Variants in CYP19A1 observed in about 807,000 individuals in gnomAD.
CYP19A1 encodes aromatase.
A neutral mutation model predicts 44.4 loss-of-function variants in CYP19A1; 32 were observed. That is an observed-to-expected ratio of 0.72 (90% CI 0.54 to 0.97). The LOEUF is 0.97. Ranked by LOEUF, CYP19A1 falls within the 50% of genes least tolerant of loss-of-function variation. CYP19A1 has a pLI of 0.00. For synonymous variants in CYP19A1, 212 were observed against 215.6 expected (o/e 0.98, Z 0.14); for missense variants, 598 against 637.8 (o/e 0.94, Z 0.67).
chr15:51,222,574 C>A, intron 4 of CYP19A1, 49 bp from the exon 5 acceptor site: 1 of 1,500,646 alleles, frequency 6.7e-7, no homozygotes, highest in Non-Finnish European at 9.2e-7. Flanking sequence ...CCAGGGCACA[C>A]ACACAATCAT....
At chr15:51,257,968 C>T (rs776572884) in intron 1 of CYP19A1, among the ~76,000 whole-genome samples, 1 of 152,224 alleles carries the variant, frequency 6.6e-6, no homozygotes, top group African/African-American at 2.4e-5. Context: ...GTGCTAGGCA[C>T]TATTCTAAGC....
intron 1 of CYP19A1, among the ~76,000 whole-genome samples, chr15:51,276,959 A>G (rs542973496): frequency 1.3e-5 from 2 of 152,204 alleles, no homozygotes; most frequent in Admixed American, 1.3e-4. Flanking sequence ...TCTGGTTCCA[A>G]GAGAATGTCA....
intron 5 of CYP19A1, among the ~76,000 whole-genome samples, chr15:51,218,900 C>T (rs1252718848): frequency 1.3e-5 from 2 of 152,204 alleles, no homozygotes; most frequent in Non-Finnish European, 2.9e-5. Flanking sequence ...TGCCAGTTTT[C>T]AAGTTTGTGT....
In CYP19A1 at chr15:51,236,994, A is replaced by G. The variant is rs754717741; in HGVS notation, c.161T>C (p.Met54Thr). 6.2e-7 allele frequency: 1 copy of G among 1,614,156 alleles called. No individual in the cohort carries two copies. The highest frequency in any genetic ancestry group is 8.5e-7 in the Non-Finnish European group (1 of 1,180,008). Residue 54 changes from methionine (M) to threonine (T), a missense_variant, in exon 3 of 10, where the codon ATG (methionine) becomes ACG (threonine). Transcript: ENST00000396402. Reference sequence around the variant, plus strand: ...GTGGGAGATGAGGGGTCCAATTCCCATGCAGTAGCCAGGACCTAGGACAGG... The same window carrying G: ...GTGGGAGATGAGGGGTCCAATTCCCGTGCAGTAGCCAGGACCTAGGACAGG... Reference protein sequence around the residue: ...TSSIPGPGYCMGIGPLISHGR... With the variant: ...TSSIPGPGYCTGIGPLISHGR...
At chr15:51,303,110 G>C (rs76439081) in intron 1 of CYP19A1, among the ~76,000 whole-genome samples, 1 of 152,172 alleles carries the variant, frequency 6.6e-6, no homozygotes, top group Non-Finnish European at 1.5e-5. Flanking sequence ...CCTTTGGAAG[G>C]CTTCAGCTGT....
chr15:51,284,767 A>G (rs1300943982), intron 1 of CYP19A1, among the ~76,000 whole-genome samples: 1 of 152,260 alleles, frequency 6.6e-6, no homozygotes, highest in Non-Finnish European at 1.5e-5. Flanking sequence ...ATGGTGGAGG[A>G]ATGCACATAC....
At chr15:51,255,432 C>A (rs1426880208) in intron 1 of CYP19A1, 1 of 152,128 alleles carries the variant, frequency 6.6e-6, no homozygotes, top group Admixed American at 6.5e-5. Context: ...CTTGTCTCTA[C>A]AAAAACCCAG....
At chr15:51,313,973 G>C (rs1038070214) in intron 1 of CYP19A1, 1 of 152,110 alleles carries the variant, frequency 6.6e-6, no homozygotes, top group Non-Finnish European at 1.5e-5. Context: ...GAGATGGAGA[G>C]AACAGGCTTT....
At chr15:51,294,946 CAT>C (rs2035958824) in intron 1 of CYP19A1, among the ~76,000 whole-genome samples, 1 of 150,736 alleles carries the variant, frequency 6.6e-6, no homozygotes, top group African/African-American at 2.5e-5. Flanking sequence ...AAGAGGTAGA[CAT>C]GGGAGACTTT....
chr15:51,305,883 G>C (rs896380089), intron 1 of CYP19A1, among the ~76,000 whole-genome samples: 1 of 152,120 alleles, frequency 6.6e-6, no homozygotes, highest in Non-Finnish European at 1.5e-5. Flanking sequence ...AAATTAATAA[G>C]CTTTGGTAAT....
chr15:51,236,330 AAT>A (rs1260355479), intron 3 of CYP19A1, among the ~76,000 whole-genome samples: 1 of 152,196 alleles, frequency 6.6e-6, no homozygotes, highest in Non-Finnish European at 1.5e-5. Flanking sequence ...TTGGCAGGAG[AAT>A]AAATTAGCAA....
intron 1 of CYP19A1, among the ~76,000 whole-genome samples, chr15:51,327,529 T>C (rs996548755): frequency 6.6e-6 from 1 of 152,012 alleles, no homozygotes; most frequent in Non-Finnish European, 1.5e-5. Context: ...AATCTTGCTC[T>C]GTCATATAGT....
At chr15:51,263,743 C>A (rs1175004838) in intron 1 of CYP19A1, among the ~76,000 whole-genome samples, 4 of 152,168 alleles carry the variant, frequency 2.6e-5, no homozygotes, top group Non-Finnish European at 5.9e-5. Flanking sequence ...TCCTCCCAGG[C>A]TGCTGCTCTG....
At chr15:51,268,524 C>CA (rs1390561025) in intron 1 of CYP19A1, among the ~76,000 whole-genome samples, 2 of 139,946 alleles carry the variant, frequency 1.4e-5, no homozygotes, top group Non-Finnish European at 3.1e-5. Context: ...TTCCTTCCCC[C>CA]CCCCCCTTTT....
chr15:51,265,497 AG>A (rs1282765805), intron 1 of CYP19A1, among the ~76,000 whole-genome samples: 7 of 152,144 alleles, frequency 4.6e-5, no homozygotes, highest in Admixed American at 4.6e-4. Context: ...AGGCTGAGGG[AG>A]GCAGGGTGCT....
intron 1 of CYP19A1, among the ~76,000 whole-genome samples, chr15:51,330,486 T>C (rs992110121): frequency 6.6e-6 from 1 of 152,192 alleles, no homozygotes; most frequent in Non-Finnish European, 1.5e-5. Flanking sequence ...AATAAAATGA[T>C]ATGGTACCTT....
At chr15:51,324,821 G>A (rs1017631157) in intron 1 of CYP19A1, among the ~76,000 whole-genome samples, 6 of 152,184 alleles carry the variant, frequency 3.9e-5, no homozygotes, top group African/African-American at 1.4e-4. Context: ...GACCCTAGGG[G>A]TTATAATTCT....
In CYP19A1 at chr15:51,260,966, C is replaced by T. The variant is rs145605343; in HGVS notation, c.-38-18016G>A. ...CTGGCTCGAGCTGAGCTTTCATTCA[C>T]AGTCCACCACTGCTGAATGCCACCA... On this transcript the variant is annotated intron_variant, in intron 1 of 9. Coordinates refer to ENST00000396402, the MANE Select transcript of CYP19A1 (RefSeq NM_000103.4). 5.8e-4 allele frequency among the ~76,000 whole-genome samples: 89 copies of T among 152,310 alleles called. 1 individual carries two copies. The East Asian group carries it at 0.016, about 27-fold the overall frequency.
rs534546928 is a variant in CYP19A1 at position 51,270,883 on chromosome 15, C to T, written c.-38-27933G>A. ...TGTCTTGTGTTCATTCAGCACGTGG[C>T]CCTGTGGGTCTTGAGGCCTGACTAG... is the stretch of plus-strand genomic sequence containing the variant. On this transcript the variant is annotated intron_variant, in intron 1 of 9. Transcript: ENST00000396402. Among the ~76,000 whole-genome samples, 4 of 152,262 alleles carry T rather than the reference C, an allele frequency of 2.6e-5. No homozygotes were observed. The East Asian group carries it at 7.7e-4, about 29-fold the overall frequency.
Sources: allele counts gnomAD v4.1 joint callset (sites outside exome capture counted in the v4.1 genomes callset), GRCh38; gene constraint gnomAD v4.1.1; transcripts MANE v1.5; gene names NCBI Gene and HGNC (gene_info 2026-07-23, HGNC 2026-07-21).